The following SEMA5A variants were observed in gnomAD, a reference collection of about 807,000 sequenced individuals.
SEMA5A encodes the protein semaphorin 5A.
A neutral mutation model predicts 135.5 loss-of-function variants in SEMA5A; 55 were observed. The ratio of observed to expected loss-of-function variants is 0.41; its 90% CI spans 0.33 to 0.51. SEMA5A has a LOEUF of 0.51. Ranked by LOEUF, SEMA5A falls within the 20% of genes least tolerant of loss-of-function variation. The probability of loss-of-function intolerance (pLI) is 0.37; values close to 1 mark genes in which losing one functional copy is unlikely to be tolerated. For missense variants in SEMA5A, 1,290 were observed against 1,419.9 expected, an observed-to-expected ratio of 0.91 and a Z score of 1.47; for synonymous variants, 580 against 546.5, an observed-to-expected ratio of 1.06 and a Z score of -0.85.
intron 1 of SEMA5A, among the ~76,000 whole-genome samples, chr5:9,510,027 G>A (rs1254278697): frequency 1.3e-5 from 2 of 152,170 alleles, no homozygotes; most frequent in East Asian, 1.9e-4. Flanking sequence ...GAATGTCTAG[G>A]GAAGGACTCT....
chr5:9,064,021 T>A (rs1480709841), intron 17 of SEMA5A, among the ~76,000 whole-genome samples: 1 of 152,160 alleles, frequency 6.6e-6, no homozygotes, highest in Non-Finnish European at 1.5e-5. Context: ...TGCAGTAAAG[T>A]TCCGGGGAAG....
chr5:9,144,790 A>C lies in SEMA5A; in HGVS notation c.1482-8169T>G, dbSNP rs372285941. Among the ~76,000 whole-genome samples the C allele has an allele frequency of 7.5e-4, 114 of 152,308 alleles. 2 individuals carry two copies. The South Asian group carries it at 0.023, about 31-fold the overall frequency. ...GAGGCCATGCTGACATCACTCACCCAAGCACATCATGTGGTCATGCTAGAG... is the reference window on the plus strand; with the variant it reads ...GAGGCCATGCTGACATCACTCACCCCAGCACATCATGTGGTCATGCTAGAG... On this transcript the variant is annotated intron_variant, in intron 12 of 22. Transcript: ENST00000382496.
chr5:9,083,791 T>C (rs1738526987), intron 16 of SEMA5A, among the ~76,000 whole-genome samples: 4 of 152,278 alleles, frequency 2.6e-5, no homozygotes, highest in Admixed American at 2.6e-4. Flanking sequence ...TGAAAGGAGT[T>C]AAGATGCAAG....
At chr5:9,107,367 A>G (rs548321424) in intron 16 of SEMA5A, among the ~76,000 whole-genome samples, 117 of 115,542 alleles carry the variant, frequency 1.0e-3, no homozygotes, top group African/African-American at 4.5e-3. Context: ...AAGGCAGGAG[A>G]AAAAAAAAAA....
intron 8 of SEMA5A, among the ~76,000 whole-genome samples, chr5:9,210,550 G>T (rs1746288399): frequency 6.6e-6 from 1 of 152,164 alleles, no homozygotes; most frequent in East Asian, 1.9e-4. Context: ...TGAAAATGTG[G>T]GCATCGGGAG....
intron 3 of SEMA5A, among the ~76,000 whole-genome samples, chr5:9,359,574 TCCTTCC>T: frequency 6.6e-6 from 1 of 152,210 alleles, no homozygotes; most frequent in Admixed American, 6.5e-5. Context: ...AATGAGTCAG[TCCTTCC>T]TTTCCTGAAG....
intron 16 of SEMA5A, among the ~76,000 whole-genome samples, chr5:9,074,699 A>G (rs1413256046): frequency 6.6e-6 from 1 of 152,230 alleles, no homozygotes; most frequent in South Asian, 2.1e-4. Context: ...CATTTCAACA[A>G]AGATATGTGA....
intron 11 of SEMA5A, among the ~76,000 whole-genome samples, chr5:9,168,126 TG>T (rs1743713624): frequency 6.6e-6 from 1 of 151,562 alleles, no homozygotes; most frequent in African/African-American, 2.4e-5. Flanking sequence ...TGGAGTGGGG[TG>T]GGGATCTGAA....
chr5:9,282,704 C>T (rs1561104811), intron 5 of SEMA5A, among the ~76,000 whole-genome samples: 2 of 152,150 alleles, frequency 1.3e-5, no homozygotes, highest in South Asian at 2.1e-4. Context: ...CAGCCGCCTC[C>T]CGTGTCATCA....
Position 9,042,492 on chromosome 5 carries a change from A to G in SEMA5A, c.*405T>C. On this transcript the variant is annotated 3_prime_UTR_variant, in exon 23 of 23. Transcript: ENST00000382496. ...TATGGACCTATGCACTTCTTGTGGA[A>G]GGAGCAGGTCTTTCAGAGAAAGTGC... The G allele has an allele frequency of 9.3e-6, 2 of 215,892 alleles. No homozygotes were observed. Among genetic ancestry groups the G allele is most frequent in the Non-Finnish European group, 9.1e-6 (1 of 110,226 alleles). 13.4% of individuals were successfully genotyped at this position (215,892 alleles called of 1,614,324 possible). A position where few individuals can be genotyped will look rare whatever the true frequency, so the allele number is the denominator to read the frequency against.
chr5:9,249,514 G>A (rs1370251228), intron 5 of SEMA5A, among the ~76,000 whole-genome samples: 3 of 152,160 alleles, frequency 2.0e-5, no homozygotes, highest in African/African-American at 4.8e-5. Flanking sequence ...GTGTGTGTAA[G>A]ACATAAACAT....
intron 2 of SEMA5A, among the ~76,000 whole-genome samples, chr5:9,437,130 T>C (rs568159957): frequency 2.6e-4 from 40 of 152,164 alleles, no homozygotes; most frequent in African/African-American, 8.9e-4. Context: ...GCACTGCAAA[T>C]AAGTGGGGGC....
chr5:9,054,720 G>A (rs1736793881), intron 18 of SEMA5A, among the ~76,000 whole-genome samples: 2 of 152,050 alleles, frequency 1.3e-5, no homozygotes, highest in South Asian at 2.1e-4. Flanking sequence ...TTCAAGTCAC[G>A]AGCTCCTTTA....
At chr5:9,270,366 G>C (rs1008557320) in intron 5 of SEMA5A, among the ~76,000 whole-genome samples, 1 of 151,780 alleles carries the variant, frequency 6.6e-6, no homozygotes, top group Non-Finnish European at 1.5e-5. Flanking sequence ...ACTACATATT[G>C]AGTCCTTGAG....
chr5:9,196,265 T>C (rs1745380344), intron 10 of SEMA5A, among the ~76,000 whole-genome samples: 1 of 152,102 alleles, frequency 6.6e-6, no homozygotes, highest in Non-Finnish European at 1.5e-5. Flanking sequence ...TTAATGGTAG[T>C]AAATGAGGGT....
intron 15 of SEMA5A, among the ~76,000 whole-genome samples, chr5:9,109,180 A>T (rs1740104834): frequency 2.0e-5 from 3 of 149,628 alleles, no homozygotes; most frequent in Non-Finnish European, 4.5e-5. Context: ...AGCTGGGACT[A>T]CAGGCGCCCG....
At chr5:9,285,537 A>G (rs1310239180) in intron 5 of SEMA5A, among the ~76,000 whole-genome samples, 1 of 152,252 alleles carries the variant, frequency 6.6e-6, no homozygotes, top group Non-Finnish European at 1.5e-5. Flanking sequence ...TACTTGCCCC[A>G]TTAAAACTAT....
At chr5:9,129,692 G>T (rs73740343) in intron 13 of SEMA5A, among the ~76,000 whole-genome samples, 11,363 of 152,186 alleles carry the variant, frequency 0.075, 461 homozygotes, top group South Asian at 0.15. Flanking sequence ...GTTTCTATTA[G>T]GGGTATGTGT....
intron 1 of SEMA5A, among the ~76,000 whole-genome samples, chr5:9,447,233 T>C (rs534526576): frequency 1.3e-5 from 2 of 152,330 alleles, no homozygotes; most frequent in East Asian, 3.9e-4. Flanking sequence ...GCCAATCCAA[T>C]GTGCATATTG....
Sources: allele counts gnomAD v4.1 joint callset (sites outside exome capture counted in the v4.1 genomes callset), GRCh38; gene constraint gnomAD v4.1.1; transcripts MANE v1.5; gene names NCBI Gene and HGNC (gene_info 2026-07-23, HGNC 2026-07-21).